Variants in TSC22D2 observed in about 807,000 individuals in gnomAD.
TSC22D2 encodes the protein TSC22 domain family member 2, also known as TSC22 domain family protein 2.
Under a neutral mutation model 50.1 loss-of-function variants are expected in TSC22D2, and 5 were observed. The observed-to-expected ratio is 0.10, with a 90% CI of 0.05 to 0.21. The LOEUF is 0.21. TSC22D2 is among the 10% of genes least tolerant of loss of function. The pLI, the probability that TSC22D2 is intolerant of heterozygous loss-of-function variation, is 1.00. For synonymous variants in TSC22D2, 501 were observed against 450.1 expected, an observed-to-expected ratio of 1.11 and a Z score of -1.43; for missense variants, 1,003 against 1,015.5, an observed-to-expected ratio of 0.99 and a Z score of 0.17.
chr3:150,457,226 A>C, intron 2 of TSC22D2, 99 bp downstream of exon 2: 3 of 1,066,826 alleles, frequency 2.8e-6, no homozygotes, highest in Non-Finnish European at 4.1e-6. Flanking sequence ...TATTTAAACC[A>C]AAGATGACCA....
Position 150,409,741 on chromosome 3 carries a change from C to G in TSC22D2, c.391C>G (p.Pro131Ala), listed in dbSNP as rs745904760. 46 of 1,601,182 alleles carry G rather than the reference C, an allele frequency of 2.9e-5. No homozygotes were observed. Among genetic ancestry groups the G allele is most frequent in the African/African-American group, 1.1e-4 (8 of 74,768 alleles). ...LAAAATSAPAPGAPGGPQLAG... is the reference protein window; with the variant it reads ...LAAAATSAPAAGAPGGPQLAG... ...GGCGGCTGCCACTTCGGCCCCCGCCCCCGGAGCACCCGGCGGCCCCCAGCT... is the reference window on the plus strand; with the variant it reads ...GGCGGCTGCCACTTCGGCCCCCGCCGCCGGAGCACCCGGCGGCCCCCAGCT... The change falls in exon 1 of 3, where the codon CCC becomes GCC. Residue 131 changes from proline (P) to alanine (A), a missense_variant. Around this residue, in one of 6 missense-constraint regions of TSC22D2, gnomAD observed 200 missense variants for 182.8 expected, o/e 1.09. Coordinates refer to ENST00000688009, the MANE Select transcript of TSC22D2 (RefSeq NM_001303264.2). This position sits in a 1 kb window ranked among gnomAD's most constrained non-coding sequence, Gnocchi z 7.4.
chr3:150,434,388 C>G (rs1298009738), intron 1 of TSC22D2, among the ~76,000 whole-genome samples: 1 of 152,140 alleles, frequency 6.6e-6, no homozygotes, highest in Non-Finnish European at 1.5e-5. Context: ...GTGATCCACC[C>G]TGCCCTGACC....
rs1721466209 is a variant in TSC22D2 at position 150,463,184 on chromosome 3, G to T, written c.*4548G>T. 6.6e-6 allele frequency: 1 copy of T among 152,222 alleles called. No homozygotes were observed. Among genetic ancestry groups the T allele is most frequent in the South Asian group, 2.1e-4 (1 of 4,832 alleles). 9.4% of individuals were successfully genotyped at this position (152,222 alleles called of 1,614,324 possible). ...CTTTTATGGTGACTAGGATTAGGAT[G>T]TTGATTCCAAAGCCTTTCCCTAAAA... On this transcript the variant is annotated 3_prime_UTR_variant, in exon 3 of 3. Coordinates refer to ENST00000688009, the MANE Select transcript of TSC22D2 (RefSeq NM_001303264.2).
rs960425659 is a variant in TSC22D2, at chr3:150,461,668, A to G, written c.*3032A>G. The G allele has an allele frequency of 5.3e-5, 8 of 152,128 alleles. No individual in the cohort carries two copies. Among genetic ancestry groups the G allele is most frequent in the African/African-American group, 1.9e-4 (8 of 41,428 alleles). 9.4% of individuals were successfully genotyped at this position (152,128 alleles called of 1,614,324 possible). Reference sequence around the variant, plus strand: ...AGTTTCCTTAACTCCTGATTGTCCAAAATAGCTGAATTTTTCCAATTCTAT... The same window carrying G: ...AGTTTCCTTAACTCCTGATTGTCCAGAATAGCTGAATTTTTCCAATTCTAT... On this transcript the variant is annotated 3_prime_UTR_variant, in exon 3 of 3. Transcript: ENST00000688009.
rs768703026 is a variant in TSC22D2 at position 150,409,723 on chromosome 3, G to C, written c.373G>C (p.Ala125Pro). 3 of 1,599,116 alleles carry C rather than the reference G, an allele frequency of 1.9e-6. No homozygotes were observed. The South Asian group carries it at 3.3e-5, about 18-fold the overall frequency. The part of the protein sequence containing the change: ...GALASTLAAA[A>P]TSAPAPGAPG... ...GCTCGCCAGTACCCTGGCGGCGGCT[G>C]CCACTTCGGCCCCCGCCCCCGGAGC... The change falls in exon 1 of 3, where the codon GCC becomes CCC. Residue 125 changes from alanine to proline, a missense_variant. Coordinates refer to ENST00000688009, the MANE Select transcript of TSC22D2 (RefSeq NM_001303264.2). This position sits in a 1 kb window ranked among gnomAD's most constrained non-coding sequence, Gnocchi z 7.4.
At chr3:150,455,891 T>G (rs546302638) in intron 1 of TSC22D2, among the ~76,000 whole-genome samples, 183 of 151,978 alleles carry the variant, frequency 1.2e-3, no homozygotes, top group African/African-American at 4.3e-3. Context: ...TAACTGTTTT[T>G]AGAAATAAAA....
chr3:150,447,699 CAGAT>C (rs1301896909), intron 1 of TSC22D2, among the ~76,000 whole-genome samples: 10 of 152,078 alleles, frequency 6.6e-5, no homozygotes, highest in Non-Finnish European at 1.3e-4. Flanking sequence ...TTCTTTGTCA[CAGAT>C]AGTCTCTTTT....
chr3:150,442,960 G>A lies in TSC22D2; in HGVS notation c.1959-14116G>A, dbSNP rs534325247. Among the ~76,000 whole-genome samples, 8 of 152,188 alleles carry A rather than the reference G, an allele frequency of 5.3e-5. No individual in the cohort carries two copies. In the South Asian group the frequency reaches 1.7e-3, roughly 32 times the overall value. On this transcript the variant is annotated intron_variant, in intron 1 of 2. Coordinates refer to ENST00000688009, the MANE Select transcript of TSC22D2 (RefSeq NM_001303264.2). ...TGTGTTATAAAATAAGGTGAGAGAT[G>A]GGATTCAAACCTGGGTATAACTCCA...
intron 1 of TSC22D2, among the ~76,000 whole-genome samples, chr3:150,413,701 A>G (rs1439496519): frequency 2.6e-5 from 4 of 151,788 alleles, no homozygotes; most frequent in Non-Finnish European, 4.4e-5. Context: ...GGAGACTACT[A>G]TCTTAACTGA....
chr3:150,437,597 C>A (rs535648192), intron 1 of TSC22D2, among the ~76,000 whole-genome samples: 130 of 150,812 alleles, frequency 8.6e-4, no homozygotes, highest in Non-Finnish European at 1.6e-3. Flanking sequence ...GGTCAGAGAT[C>A]GAGACCATCC....
At position 150,430,366 on chromosome 3, in the gene TSC22D2, G is replaced by A. The variant is rs551632749; in HGVS notation, c.1958+19058G>A. ...GAGGAGAGCAGTTAGATTAGAGACA[G>A]AGATTCTAGAAAGGTACTGAAGCCT... On this transcript the variant is annotated intron_variant, in intron 1 of 2. Transcript: ENST00000688009. Among the ~76,000 whole-genome samples the A allele has an allele frequency of 1.5e-3, 234 of 152,256 alleles. 1 individual carries two copies. Among genetic ancestry groups the A allele is most frequent in the African/African-American group, 5.5e-3 (227 of 41,550 alleles).
Position 150,444,451 on chromosome 3 carries a change from A to G in TSC22D2, c.1959-12625A>G, listed in dbSNP as rs1720815367. On this transcript the variant is annotated intron_variant, in intron 1 of 2. Coordinates refer to ENST00000688009, the MANE Select transcript of TSC22D2 (RefSeq NM_001303264.2). ...TTCTGCTTTTAAGGTTTAATTCAAG[A>G]GAAAGGAACATTTGATAAAGACAAA... Among the ~76,000 whole-genome samples, 4 of 152,196 alleles carry G rather than the reference A, an allele frequency of 2.6e-5. 1 individual carries two copies. The highest frequency in any genetic ancestry group is 2.6e-4 in the Admixed American group (4 of 15,266).
At chr3:150,417,112 A>C (rs550600107) in intron 1 of TSC22D2, among the ~76,000 whole-genome samples, 2 of 152,274 alleles carry the variant, frequency 1.3e-5, no homozygotes, top group Non-Finnish European at 2.9e-5. Context: ...TCTAAATGTT[A>C]AATTACTTAA....
chr3:150,409,851 G>A lies in TSC22D2; in HGVS notation c.501G>A (p.Leu167=). 2 of 1,609,578 alleles carry A rather than the reference G, an allele frequency of 1.2e-6. No individual in the cohort carries two copies. Among genetic ancestry groups the A allele is most frequent in the Non-Finnish European group, 1.7e-6 (2 of 1,180,016 alleles). Residue 167 remains leucine, a synonymous_variant, in exon 1 of 3, where the codon CTG becomes CTA. Coordinates refer to ENST00000688009, the MANE Select transcript of TSC22D2 (RefSeq NM_001303264.2). The surrounding 1 kb of genome is among the most constrained non-coding windows in gnomAD (Gnocchi z 7.4). ...TCSSRFRVIK[L]DHGSGEPYRR... ...GTTCCCGTTTTCGCGTGATCAAGCT[G>A]GACCACGGGAGCGGAGAGCCCTATA...
Position 150,409,021 on chromosome 3 carries a change from G to T in TSC22D2, c.-330G>T, listed in dbSNP as rs947722697. 4.5e-6 allele frequency: 1 copy of T among 222,274 alleles called. No homozygotes were observed. The highest frequency in any genetic ancestry group is 9.1e-6 in the Non-Finnish European group (1 of 110,440). 13.8% of individuals were successfully genotyped at this position (222,274 alleles called of 1,614,324 possible). On this transcript the variant is annotated 5_prime_UTR_variant, in exon 1 of 3. Coordinates refer to ENST00000688009, the MANE Select transcript of TSC22D2 (RefSeq NM_001303264.2). This position sits in a 1 kb window ranked among gnomAD's most constrained non-coding sequence, Gnocchi z 7.4. ...CTGCCCGGAGACGAGAGAGGAAGCA[G>T]CCGGCCCGCCCCTGGGTTCGCGCTC...
chr3:150,446,614 C>T (rs944682347), intron 1 of TSC22D2, among the ~76,000 whole-genome samples: 1 of 152,052 alleles, frequency 6.6e-6, no homozygotes, highest in Non-Finnish European at 1.5e-5. Context: ...TAGGCTTTCC[C>T]CCCACCCCCA....
At chr3:150,418,816 G>T (rs1490513391) in intron 1 of TSC22D2, among the ~76,000 whole-genome samples, 1 of 151,916 alleles carries the variant, frequency 6.6e-6, no homozygotes, top group East Asian at 1.9e-4. Context: ...TATATATCTT[G>T]AAACGATTTC....
rs1441038269 is a variant in TSC22D2, at chr3:150,433,553, A to G, written c.1958+22245A>G. On this transcript the variant is annotated intron_variant, in intron 1 of 2. Coordinates refer to ENST00000688009, the MANE Select transcript of TSC22D2 (RefSeq NM_001303264.2). ...AGTATCGGAAGGGGAACAAGGAGGG[A>G]AAAGAGTTGCAGTGTCTGGCTGATA... is the stretch of plus-strand genomic sequence containing the variant. Among the ~76,000 whole-genome samples, 5 of 152,202 alleles carry G rather than the reference A, an allele frequency of 3.3e-5. No homozygotes were observed. The East Asian group carries it at 9.6e-4, about 29-fold the overall frequency.
intron 1 of TSC22D2, among the ~76,000 whole-genome samples, chr3:150,431,624 GA>G (rs1720383836): frequency 1.3e-5 from 2 of 152,038 alleles, no homozygotes; most frequent in South Asian, 2.1e-4. Flanking sequence ...AAAATACTAG[GA>G]AAAAAATGTA....
Sources: gnomAD v4.1 joint callset for allele counts (sites outside exome capture counted in the v4.1 genomes callset) on GRCh38, gnomAD v4.1.1 for gene constraint, gnomAD v4.1.1 regional missense constraint, Gnocchi (gnomAD v3.1) non-coding constraint, MANE v1.5 for transcripts, NCBI Gene and HGNC (gene_info 2026-07-23, HGNC 2026-07-21) for gene names.